AP3B1: variants seen among roughly 807,000 people sequenced by gnomAD.
AP3B1 encodes the protein AP-3 complex subunit beta-1.
A neutral mutation model predicts 132.5 loss-of-function variants in AP3B1; 61 were observed. That is an observed-to-expected ratio of 0.46 (90% confidence interval 0.37 to 0.57). The LOEUF (loss-of-function observed/expected upper bound fraction) is 0.57. Ranked by LOEUF, AP3B1 falls within the 20% of genes least tolerant of loss-of-function variation. The pLI is 0.00. For synonymous variants in AP3B1, 388 were observed against 438.3 expected (o/e 0.89, Z 1.43); for missense variants, 1,120 against 1,289.4 (o/e 0.87, Z 2.01).
chr5:78,116,371 C>G, intron 17 of AP3B1, 137 bp from the exon 18 acceptor site: 1 of 727,296 alleles, frequency 1.4e-6, no homozygotes, highest in Non-Finnish European at 2.4e-6. Context: ...TGTTAGAAGT[C>G]CTGGCATTAA....
intron 2 of AP3B1, among the ~76,000 whole-genome samples, chr5:78,248,440 C>T (rs1465657962): frequency 7.0e-6 from 1 of 142,528 alleles, no homozygotes; most frequent in East Asian, 2.0e-4. Context: ...TTGCAGTGAG[C>T]CGAGATCACA....
In AP3B1 at chr5:78,263,832, G is replaced by A. The variant is rs116672883; in HGVS notation, c.204+3688C>T. On this transcript the variant is annotated intron_variant, in intron 2 of 26. Coordinates refer to ENST00000255194, the MANE Select transcript of AP3B1 (RefSeq NM_003664.5). Reference sequence around the variant, plus strand: ...TTTGTGTTATTTTTAAATTACAGTCGTGCCACGTTTTGGTCAAGGAGGGAC... The same window carrying A: ...TTTGTGTTATTTTTAAATTACAGTCATGCCACGTTTTGGTCAAGGAGGGAC... Among the ~76,000 whole-genome samples the A allele has an allele frequency of 5.1e-3, 782 of 152,084 alleles. 5 individuals carry two copies. Among genetic ancestry groups the A allele is most frequent in the African/African-American group, 0.017 (716 of 41,486 alleles).
At chr5:78,261,066 G>A (rs903443188) in intron 2 of AP3B1, among the ~76,000 whole-genome samples, 2 of 152,152 alleles carry the variant, frequency 1.3e-5, no homozygotes, top group Non-Finnish European at 2.9e-5. Flanking sequence ...ATGCTGCTAC[G>A]AACACTGATG....
intron 20 of AP3B1, among the ~76,000 whole-genome samples, chr5:78,105,682 A>C (rs1751303723): frequency 6.6e-6 from 1 of 152,230 alleles, no homozygotes; most frequent in African/African-American, 2.4e-5. Flanking sequence ...TATACTAAAA[A>C]TATTTCTCAA....
At chr5:78,171,672 T>C (rs1302678785) in intron 11 of AP3B1, among the ~76,000 whole-genome samples, 8 of 152,224 alleles carry the variant, frequency 5.3e-5, no homozygotes, top group South Asian at 2.1e-4. Context: ...TGTACAATCA[T>C]GTCATCTGCA....
intron 26 of AP3B1, among the ~76,000 whole-genome samples, chr5:78,005,293 T>A (rs1746344422): frequency 6.6e-6 from 1 of 152,224 alleles, no homozygotes; most frequent in South Asian, 2.1e-4. Flanking sequence ...AGATTATGCC[T>A]GAATAGGAAC....
chr5:78,169,078 C>T (rs1186257344), intron 11 of AP3B1, among the ~76,000 whole-genome samples: 1 of 152,084 alleles, frequency 6.6e-6, no homozygotes, highest in Non-Finnish European at 1.5e-5. Context: ...CTATATGGTA[C>T]ATTTTTGCGT....
chr5:78,136,277 T>C (rs2112315916), intron 15 of AP3B1, among the ~76,000 whole-genome samples: 1 of 152,304 alleles, frequency 6.6e-6, no homozygotes, highest in Admixed American at 6.5e-5. Context: ...TGTTTCATGT[T>C]ATCCTCATAA....
intron 24 of AP3B1, among the ~76,000 whole-genome samples, chr5:78,025,059 C>CA (rs1747283083): frequency 6.6e-6 from 1 of 152,016 alleles, no homozygotes; most frequent in Non-Finnish European, 1.5e-5. Flanking sequence ...CAGACACATA[C>CA]ATATATATAC....
chr5:78,192,439 C>T (rs1444785329), intron 7 of AP3B1, among the ~76,000 whole-genome samples: 1 of 151,726 alleles, frequency 6.6e-6, no homozygotes, highest in Non-Finnish European at 1.5e-5. Context: ...GTCAGGAGTT[C>T]GAGACAAGCC....
chr5:78,235,727 G>C (rs1371752411), intron 3 of AP3B1, among the ~76,000 whole-genome samples: 1 of 152,174 alleles, frequency 6.6e-6, no homozygotes, highest in African/African-American at 2.4e-5. Flanking sequence ...TCATAGCAGA[G>C]CCCCAGTAGG....
Position 78,137,089 on chromosome 5 carries a change from T to C in AP3B1, c.1650+4054A>G, listed in dbSNP as rs577456057. On this transcript the variant is annotated intron_variant, in intron 15 of 26. Transcript: ENST00000255194. The stretch of plus-strand genomic sequence containing the variant: ...GTACTCATTAAACAATAACTCCCCA[T>C]CCTGGTTCTTCTTATGTTGAGTAAT... Among the ~76,000 whole-genome samples the C allele has an allele frequency of 5.3e-5, 8 of 152,286 alleles. No homozygotes were observed. The East Asian group carries it at 1.5e-3, about 29-fold the overall frequency.
At chr5:78,179,572 G>C (rs1744283623) in intron 8 of AP3B1, among the ~76,000 whole-genome samples, 2 of 152,094 alleles carry the variant, frequency 1.3e-5, no homozygotes, top group Non-Finnish European at 2.9e-5. Context: ...ACCTTCTACA[G>C]TTACATCATG....
intron 7 of AP3B1, among the ~76,000 whole-genome samples, chr5:78,209,217 G>C (rs770706697): frequency 6.6e-6 from 1 of 152,080 alleles, no homozygotes; most frequent in Non-Finnish European, 1.5e-5. Flanking sequence ...ATGATAGGAA[G>C]GGTGGGTCAG....
intron 22 of AP3B1, among the ~76,000 whole-genome samples, chr5:78,070,723 A>AAC (rs1749500151): frequency 7.4e-6 from 1 of 134,242 alleles, no homozygotes; most frequent in African/African-American, 2.8e-5. Flanking sequence ...AGAAAAAAAC[A>AAC]AAAAAAAAAA....
intron 15 of AP3B1, among the ~76,000 whole-genome samples, chr5:78,133,502 T>C (rs1038977958): frequency 4.6e-5 from 7 of 152,176 alleles, no homozygotes; most frequent in Admixed American, 6.5e-5. Context: ...TATTACTTCA[T>C]TAAAAATTTG....
At chr5:78,231,784 A>G (rs1746661888) in intron 3 of AP3B1, among the ~76,000 whole-genome samples, 1 of 152,248 alleles carries the variant, frequency 6.6e-6, no homozygotes, top group African/African-American at 2.4e-5. Flanking sequence ...ACTACATGTC[A>G]GACACTGTTC....
chr5:78,180,029 A>G (rs1166451119), intron 8 of AP3B1, among the ~76,000 whole-genome samples: 1 of 152,146 alleles, frequency 6.6e-6, no homozygotes, highest in African/African-American at 2.4e-5. Context: ...ACCTAGTTAA[A>G]TGAACAGTGA....
intron 7 of AP3B1, among the ~76,000 whole-genome samples, chr5:78,187,572 G>A (rs1744653272): frequency 6.6e-6 from 1 of 152,006 alleles, no homozygotes; most frequent in Admixed American, 6.6e-5. Flanking sequence ...CACTGCTCAA[G>A]GAAATCAAAG....
Sources: allele counts gnomAD v4.1 joint callset (sites outside exome capture counted in the v4.1 genomes callset), GRCh38; gene constraint gnomAD v4.1.1; transcripts MANE v1.5; gene names NCBI Gene and HGNC (gene_info 2026-07-23, HGNC 2026-07-21).